Variants in LHFPL6 observed in about 807,000 individuals in gnomAD.
LHFPL6 encodes the protein LHFPL tetraspan subfamily member 6 protein.
A neutral mutation model predicts 20.6 loss-of-function variants in LHFPL6; 9 were observed. The observed-to-expected ratio is 0.44, with a 90% confidence interval of 0.26 to 0.76. The LOEUF is 0.76. Ranked by LOEUF, LHFPL6 falls within the 30% of genes least tolerant of loss-of-function variation. The pLI is 0.20. For missense variants in LHFPL6, 218 were observed against 253.5 expected, an observed-to-expected ratio of 0.86 and a Z score of 0.95; for synonymous variants, 105 against 98.7, an observed-to-expected ratio of 1.06 and a Z score of -0.38.
chr13:39,392,828 G>A (rs1870743970), intron 2 of LHFPL6, among the ~76,000 whole-genome samples: 1 of 151,672 alleles, frequency 6.6e-6, no homozygotes, highest in South Asian at 2.1e-4. Context: ...AAAGATATAT[G>A]TGTAAAATAT....
intron 2 of LHFPL6, among the ~76,000 whole-genome samples, chr13:39,407,304 CAG>C (rs1871134822): frequency 6.6e-6 from 1 of 152,212 alleles, no homozygotes; most frequent in African/African-American, 2.4e-5. Flanking sequence ...ACTCCCAGGG[CAG>C]AGTCTGATTC....
At chr13:39,363,891 T>C (rs575291223) in intron 3 of LHFPL6, among the ~76,000 whole-genome samples, 1 of 152,216 alleles carries the variant, frequency 6.6e-6, no homozygotes, top group Non-Finnish European at 1.5e-5. Context: ...GGGATATATA[T>C]ACACATTGGG....
chr13:39,531,599 T>G (rs1253330142), intron 2 of LHFPL6, among the ~76,000 whole-genome samples: 1 of 152,072 alleles, frequency 6.6e-6, no homozygotes, highest in Non-Finnish European at 1.5e-5. Context: ...GGTTGAGCAT[T>G]AGGTTGTAAA....
chr13:39,490,101 A>G (rs1017041984), intron 2 of LHFPL6, among the ~76,000 whole-genome samples: 1 of 152,178 alleles, frequency 6.6e-6, no homozygotes, highest in African/African-American at 2.4e-5. Flanking sequence ...CAAACAAAAA[A>G]AAAAACAGGA....
At chr13:39,545,768 T>A (rs1427114130) in intron 2 of LHFPL6, among the ~76,000 whole-genome samples, 1 of 152,066 alleles carries the variant, frequency 6.6e-6, no homozygotes, top group African/African-American at 2.4e-5. Context: ...TACTGTATTT[T>A]AAAAATTTGT....
intron 2 of LHFPL6, among the ~76,000 whole-genome samples, chr13:39,448,480 T>C (rs898671170): frequency 1.3e-5 from 2 of 152,188 alleles, no homozygotes; most frequent in African/African-American, 4.8e-5. Context: ...TATATAATTA[T>C]GAAAAGAGCA....
At chr13:39,434,918 C>T (rs1871913801) in intron 2 of LHFPL6, among the ~76,000 whole-genome samples, 1 of 151,258 alleles carries the variant, frequency 6.6e-6, no homozygotes, top group Admixed American at 6.6e-5. Context: ...TAGCCGGGCG[C>T]GGTGGCGGGC....
chr13:39,494,881 T>C (rs1200519667), intron 2 of LHFPL6, among the ~76,000 whole-genome samples: 3 of 152,196 alleles, frequency 2.0e-5, no homozygotes, highest in Non-Finnish European at 4.4e-5. Context: ...TAGTTCAGAA[T>C]TTTCCATTTT....
intron 2 of LHFPL6, among the ~76,000 whole-genome samples, chr13:39,396,605 G>A (rs1243413843): frequency 6.6e-6 from 1 of 151,920 alleles, no homozygotes; most frequent in Non-Finnish European, 1.5e-5. Flanking sequence ...AGACCGGCCC[G>A]GGCAACATGG....
At chr13:39,410,100 A>C (rs991239124) in intron 2 of LHFPL6, among the ~76,000 whole-genome samples, 1 of 152,238 alleles carries the variant, frequency 6.6e-6, no homozygotes, top group Admixed American at 6.5e-5. Flanking sequence ...ATGTGTTAAA[A>C]TTGTCTACCT....
At chr13:39,489,879 A>C (rs1328802321) in intron 2 of LHFPL6, among the ~76,000 whole-genome samples, 1 of 152,098 alleles carries the variant, frequency 6.6e-6, no homozygotes, top group Non-Finnish European at 1.5e-5. Flanking sequence ...TGAATTTACT[A>C]TACAACTTTT....
At chr13:39,465,214 A>T (rs1872773745) in intron 2 of LHFPL6, among the ~76,000 whole-genome samples, 1 of 152,158 alleles carries the variant, frequency 6.6e-6, no homozygotes, top group Non-Finnish European at 1.5e-5. Flanking sequence ...TGTAGTCTTA[A>T]AATAATAATA....
chr13:39,500,761 C>T (rs148479097), intron 2 of LHFPL6, among the ~76,000 whole-genome samples: 190 of 152,264 alleles, frequency 1.2e-3, no homozygotes, highest in African/African-American at 4.3e-3. Flanking sequence ...AAATTTGACA[C>T]CTCTTTTAAT....
chr13:39,583,889 G>A (rs1339901730), intron 2 of LHFPL6, among the ~76,000 whole-genome samples: 2 of 151,790 alleles, frequency 1.3e-5, no homozygotes, highest in African/African-American at 2.4e-5. Context: ...AGTGTGCCTC[G>A]AAGGCAACTT....
intron 2 of LHFPL6, among the ~76,000 whole-genome samples, chr13:39,432,472 C>T (rs1871838471): frequency 6.6e-6 from 1 of 152,144 alleles, no homozygotes; most frequent in African/African-American, 2.4e-5. Context: ...GCCTGAAATG[C>T]TCCCCTCCTC....
At chr13:39,479,118 CATCT>C (rs71077302) in intron 2 of LHFPL6, among the ~76,000 whole-genome samples, 2,918 of 121,582 alleles carry the variant, frequency 0.024, 48 homozygotes, top group Non-Finnish European at 0.041. Flanking sequence ...TCTATCCATC[CATCT>C]ATCTATCTAT....
At chr13:39,535,336 C>T (rs934234995) in intron 2 of LHFPL6, among the ~76,000 whole-genome samples, 23 of 152,216 alleles carry the variant, frequency 1.5e-4, no homozygotes, top group African/African-American at 5.5e-4. Context: ...GAACTTGTTT[C>T]TCTGTCTCCT....
At chr13:39,397,809 A>AG (rs950470744) in intron 2 of LHFPL6, among the ~76,000 whole-genome samples, 13 of 152,106 alleles carry the variant, frequency 8.5e-5, no homozygotes, top group Admixed American at 3.3e-4. Flanking sequence ...TTTGTTGGAA[A>AG]GGGGGGGTTA....
intron 3 of LHFPL6, among the ~76,000 whole-genome samples, chr13:39,347,349 T>C (rs922526763): frequency 6.6e-6 from 1 of 152,038 alleles, no homozygotes; most frequent in African/African-American, 2.4e-5. Flanking sequence ...ACCTAATAAA[T>C]AATTGTTGAA....
Sources: gnomAD v4.1 joint callset for allele counts (sites outside exome capture counted in the v4.1 genomes callset) on GRCh38, gnomAD v4.1.1 for gene constraint, MANE v1.5 for transcripts, NCBI Gene and HGNC (gene_info 2026-07-23, HGNC 2026-07-21) for gene names.